The following PCNX1 variants were observed in gnomAD, a reference collection of about 807,000 sequenced individuals.
The protein encoded by PCNX1 is pecanex 1, also known as pecanex-like protein 1.
In PCNX1, 78 loss-of-function variants were observed where a neutral mutation model predicts 242.2. The observed-to-expected ratio is 0.32, with a 90% CI of 0.27 to 0.39. The LOEUF is 0.39. Ranked by LOEUF, PCNX1 falls within the 10% of genes least tolerant of loss-of-function variation. PCNX1 has a pLI of 1.00. For missense variants in PCNX1, 2,581 were observed against 2,856.5 expected (o/e 0.90, Z 2.20); for synonymous variants, 1,024 against 1,032.9 (o/e 0.99, Z 0.17).
At position 71,108,988 on chromosome 14, in the gene PCNX1, C is replaced by T; in HGVS notation, c.6686C>T (p.Thr2229Ile). ...GCCACTGATGCACAGCCAGGCAACA[C>T]CTTAAGTCCTGCCAACAATTCACAC... ...SSATDAQPGN[T>I]LSPANNSHSR... The change falls in exon 34 of 36, where the codon ACC becomes ATC. Residue 2229 changes from threonine (T) to isoleucine (I), a missense_variant. By Grantham distance (89) the Thr-to-Ile change is moderately conservative (BLOSUM62 -1). Transcript: ENST00000304743. 1 of 1,614,132 alleles carries T rather than the reference C, an allele frequency of 6.2e-7. No individual in the cohort carries two copies.
At chr14:70,941,830 G>T (rs1047427226) in intron 1 of PCNX1, among the ~76,000 whole-genome samples, 2 of 152,174 alleles carry the variant, frequency 1.3e-5, no homozygotes, top group African/African-American at 4.8e-5. Flanking sequence ...CTCAGCAATG[G>T]CGGACGCCCC....
chr14:71,040,752 T>G (rs1168143955), intron 19 of PCNX1, among the ~76,000 whole-genome samples: 3 of 152,158 alleles, frequency 2.0e-5, no homozygotes, highest in Non-Finnish European at 2.9e-5. Context: ...TACCCTCTTG[T>G]GCTATCAAAT....
intron 2 of PCNX1, among the ~76,000 whole-genome samples, chr14:70,958,536 C>T (rs756882609): frequency 1.3e-5 from 2 of 152,182 alleles, no homozygotes; most frequent in Admixed American, 6.5e-5. Flanking sequence ...ACTGTCACTT[C>T]ATGTCCCTGC....
intron 27 of PCNX1, among the ~76,000 whole-genome samples, chr14:71,075,702 A>T (rs930464311): frequency 1.4e-4 from 22 of 151,986 alleles, no homozygotes; most frequent in Admixed American, 1.1e-3. Flanking sequence ...TTCAAGACCA[A>T]CCTGGCCAAA....
chr14:71,025,575 A>T (rs984141628), intron 13 of PCNX1, among the ~76,000 whole-genome samples: 2 of 152,086 alleles, frequency 1.3e-5, no homozygotes, highest in African/African-American at 4.8e-5. Context: ...ACACACGTAT[A>T]TACATATATA....
chr14:70,957,284 G>A (rs557661205), intron 2 of PCNX1, among the ~76,000 whole-genome samples: 16 of 152,166 alleles, frequency 1.1e-4, no homozygotes, highest in East Asian at 1.9e-4. Context: ...CACACACCCA[G>A]CCTGTTTTTA....
chr14:70,949,379 G>A (rs1388963601), intron 2 of PCNX1, among the ~76,000 whole-genome samples: 3 of 108,434 alleles, frequency 2.8e-5, no homozygotes, highest in East Asian at 2.4e-4. Flanking sequence ...AGACACATAC[G>A]TGTATATACA....
chr14:70,913,908 G>T (rs562052612), intron 1 of PCNX1, among the ~76,000 whole-genome samples: 1 of 152,148 alleles, frequency 6.6e-6, no homozygotes, highest in Non-Finnish European at 1.5e-5. Context: ...TTAGGGGAAG[G>T]TTAATGACTA....
intron 6 of PCNX1, among the ~76,000 whole-genome samples, chr14:70,986,575 T>G (rs2140227663): frequency 6.6e-6 from 1 of 152,352 alleles, no homozygotes; most frequent in South Asian, 2.1e-4. Context: ...AAGTCTTCAG[T>G]AGAAGGAAGA....
chr14:70,999,550 A>G (rs941923894), intron 8 of PCNX1, among the ~76,000 whole-genome samples: 1 of 152,186 alleles, frequency 6.6e-6, no homozygotes, highest in Non-Finnish European at 1.5e-5. Context: ...TTCTTAATGT[A>G]TCTGATTTTT....
chr14:70,911,927 A>G (rs1034001627), intron 1 of PCNX1, among the ~76,000 whole-genome samples: 1 of 152,176 alleles, frequency 6.6e-6, no homozygotes, highest in Admixed American at 6.5e-5. Flanking sequence ...GTAAAGCAAT[A>G]TATCCCTAGG....
intron 5 of PCNX1, among the ~76,000 whole-genome samples, chr14:70,969,670 T>A (rs1427323076): frequency 6.6e-6 from 1 of 152,098 alleles, no homozygotes. Flanking sequence ...CTATATCCCA[T>A]TCCTAAAACT....
intron 30 of PCNX1, chr14:71,093,407 A>G (rs191582089): frequency 6.6e-6 from 1 of 152,138 alleles, no homozygotes; most frequent in African/African-American, 2.4e-5. Context: ...TAGAAGTATT[A>G]ACAGAAGATA....
intron 31 of PCNX1, among the ~76,000 whole-genome samples, chr14:71,102,924 A>G (rs2062502860): frequency 6.6e-6 from 1 of 152,146 alleles, no homozygotes; most frequent in Admixed American, 6.5e-5. Flanking sequence ...AGTTCATTCT[A>G]ACTTTTGCTT....
intron 19 of PCNX1, among the ~76,000 whole-genome samples, chr14:71,040,163 A>T (rs1478049189): frequency 6.6e-6 from 1 of 152,112 alleles, no homozygotes; most frequent in Non-Finnish European, 1.5e-5. Context: ...CATTTCTTGT[A>T]GTGAAAATCT....
intron 1 of PCNX1, among the ~76,000 whole-genome samples, chr14:70,914,486 CATA>C (rs2056068306): frequency 6.6e-6 from 1 of 152,138 alleles, no homozygotes; most frequent in Non-Finnish European, 1.5e-5. Flanking sequence ...TACTCCAAAT[CATA>C]AAATCATTTG....
At chr14:71,093,159 A>C (rs2062180424) in intron 30 of PCNX1, 1 of 152,204 alleles carries the variant, frequency 6.6e-6, no homozygotes, top group African/African-American at 2.4e-5. Context: ...AAGTCTAGAA[A>C]GATTACACCA....
intron 6 of PCNX1, among the ~76,000 whole-genome samples, chr14:70,979,950 G>A (rs993764082): frequency 5.5e-4 from 82 of 150,392 alleles, no homozygotes; most frequent in African/African-American, 1.9e-3. Context: ...CTTTGACCTG[G>A]ATATAGTTCT....
At chr14:70,937,754 T>C (rs1377797396) in intron 1 of PCNX1, among the ~76,000 whole-genome samples, 1 of 152,244 alleles carries the variant, frequency 6.6e-6, no homozygotes, top group Non-Finnish European at 1.5e-5. Context: ...TATTGATTCT[T>C]CCTATCCATG....
Sources: allele counts gnomAD v4.1 joint callset (sites outside exome capture counted in the v4.1 genomes callset), GRCh38; gene constraint gnomAD v4.1.1; transcripts MANE v1.5; gene names NCBI Gene and HGNC (gene_info 2026-07-23, HGNC 2026-07-21).